Variants in ASIC2 observed in about 807,000 individuals in gnomAD.
ASIC2 encodes acid-sensing ion channel 2.
In ASIC2, 25 loss-of-function variants were observed where a neutral mutation model predicts 57.3. That is an observed-to-expected ratio of 0.44 (90% CI 0.32 to 0.61). The LOEUF (loss-of-function observed/expected upper bound fraction) is 0.61. ASIC2 is among the 20% of genes least tolerant of loss of function. The pLI is 0.06. For missense variants in ASIC2, 641 were observed against 738.1 expected, an observed-to-expected ratio of 0.87 and a Z score of 1.52; for synonymous variants, 319 against 307.5, an observed-to-expected ratio of 1.04 and a Z score of -0.39.
chr17:34,117,707 T>C (rs1911469443), intron 1 of ASIC2, among the ~76,000 whole-genome samples: 1 of 152,006 alleles, frequency 6.6e-6, no homozygotes, highest in South Asian at 2.1e-4. Flanking sequence ...TTAGATACAA[T>C]TGGCAGGACT....
chr17:33,378,740 C>G (rs1909370267), intron 1 of ASIC2, among the ~76,000 whole-genome samples: 1 of 152,218 alleles, frequency 6.6e-6, no homozygotes, highest in South Asian at 2.1e-4. Flanking sequence ...TTCTTCATAT[C>G]AGTGGATGTT....
At chr17:33,112,924 CCA>C (rs140159337) in intron 1 of ASIC2, 24,574 of 152,134 alleles carry the variant, frequency 0.16, 2,145 homozygotes, top group Non-Finnish European at 0.2. Flanking sequence ...CCTGCCACAC[CCA>C]GTCTTTTGCA....
intron 1 of ASIC2, among the ~76,000 whole-genome samples, chr17:33,672,227 C>A (rs1282771466): frequency 6.6e-6 from 1 of 152,130 alleles, no homozygotes; most frequent in African/African-American, 2.4e-5. Flanking sequence ...CCCATTTGAG[C>A]AACTTCTTAA....
intron 1 of ASIC2, among the ~76,000 whole-genome samples, chr17:33,853,944 C>T (rs1913844416): frequency 6.6e-6 from 1 of 152,136 alleles, no homozygotes; most frequent in African/African-American, 2.4e-5. Flanking sequence ...CCTTGCAGGT[C>T]TCTACTTTAT....
chr17:33,706,795 C>G (rs1008647072), intron 1 of ASIC2, among the ~76,000 whole-genome samples: 1 of 152,164 alleles, frequency 6.6e-6, no homozygotes, highest in African/African-American at 2.4e-5. Flanking sequence ...ACCTGGGAAA[C>G]ATCTTTCCTA....
intron 1 of ASIC2, among the ~76,000 whole-genome samples, chr17:33,450,773 T>A (rs1268274729): frequency 6.6e-6 from 1 of 152,140 alleles, no homozygotes; most frequent in Non-Finnish European, 1.5e-5. Flanking sequence ...TGTCTAGATG[T>A]GGAAATAATT....
At chr17:33,395,413 A>G (rs1452629561) in intron 1 of ASIC2, among the ~76,000 whole-genome samples, 5 of 152,202 alleles carry the variant, frequency 3.3e-5, no homozygotes, top group Admixed American at 2.0e-4. Flanking sequence ...AGGCAGAAAG[A>G]TCTTGTGCAG....
intron 1 of ASIC2, among the ~76,000 whole-genome samples, chr17:34,144,811 T>C (rs952531863): frequency 6.6e-6 from 1 of 152,306 alleles, no homozygotes; most frequent in South Asian, 2.1e-4. Flanking sequence ...CTTCCAACAT[T>C]TGCCAAGCTC....
intron 1 of ASIC2, among the ~76,000 whole-genome samples, chr17:33,270,266 T>C (rs1904431604): frequency 6.6e-6 from 1 of 152,214 alleles, no homozygotes; most frequent in South Asian, 2.1e-4. Context: ...CATTTTGAAA[T>C]GATAAGCCTC....
At chr17:33,348,933 G>A (rs1414188392) in intron 1 of ASIC2, among the ~76,000 whole-genome samples, 3 of 152,078 alleles carry the variant, frequency 2.0e-5, no homozygotes, top group African/African-American at 7.2e-5. Flanking sequence ...AAACCTGATC[G>A]GTGCTTCCCA....
At chr17:33,229,452 AC>A (rs1209536838) in intron 1 of ASIC2, among the ~76,000 whole-genome samples, 2 of 152,236 alleles carry the variant, frequency 1.3e-5, no homozygotes, top group Non-Finnish European at 2.9e-5. Flanking sequence ...CACTGGCTAC[AC>A]GCAGGGCAGA....
At chr17:33,726,339 C>T (rs1909560165) in intron 1 of ASIC2, among the ~76,000 whole-genome samples, 1 of 152,162 alleles carries the variant, frequency 6.6e-6, no homozygotes, top group Non-Finnish European at 1.5e-5. Flanking sequence ...GAAGAACTGC[C>T]CCGCTGAACC....
At chr17:33,627,223 C>T (rs576866575) in intron 1 of ASIC2, 2 of 152,330 alleles carry the variant, frequency 1.3e-5, no homozygotes, top group African/African-American at 4.8e-5. Flanking sequence ...AGATTTCTCT[C>T]TAGAGACACA....
chr17:33,598,944 C>T (rs934735079), intron 1 of ASIC2, among the ~76,000 whole-genome samples: 6 of 152,314 alleles, frequency 3.9e-5, no homozygotes, highest in South Asian at 2.1e-4. Flanking sequence ...ATGTGTCTTG[C>T]TGGAAACAGA....
intron 1 of ASIC2, among the ~76,000 whole-genome samples, chr17:33,310,330 G>T (rs543703288): frequency 2.0e-5 from 3 of 152,134 alleles, no homozygotes; most frequent in African/African-American, 7.2e-5. Context: ...CCAGGAATAG[G>T]TCCCTCATCT....
At chr17:33,583,471 A>G (rs1043254938) in intron 1 of ASIC2, among the ~76,000 whole-genome samples, 5 of 152,178 alleles carry the variant, frequency 3.3e-5, no homozygotes, top group African/African-American at 7.2e-5. Context: ...GCACTGTGCT[A>G]TCTATGAAAC....
At chr17:34,088,746 C>T (rs1450261180) in intron 1 of ASIC2, among the ~76,000 whole-genome samples, 5 of 151,988 alleles carry the variant, frequency 3.3e-5, no homozygotes, top group South Asian at 2.1e-4. Flanking sequence ...CAATGGCGGG[C>T]GCCCCTCCCC....
At position 33,769,430 on chromosome 17, in the gene ASIC2, G is replaced by A. The variant is rs370577167; in HGVS notation, c.555+386548C>T. Among the ~76,000 whole-genome samples the A allele has an allele frequency of 3.3e-5, 5 of 152,110 alleles. No homozygotes were observed. The East Asian group carries it at 7.7e-4, about 24-fold the overall frequency. ...CCTGAGCACAGCAGGCCAAGTAGAC[G>A]GAGTGCCCCTGCTGGAAGTCCAGCA... On this transcript the variant is annotated intron_variant, in intron 1 of 9. Transcript: ENST00000359872.
intron 1 of ASIC2, among the ~76,000 whole-genome samples, chr17:33,532,141 G>T (rs940742317): frequency 6.6e-6 from 1 of 152,194 alleles, no homozygotes; most frequent in South Asian, 2.1e-4. Flanking sequence ...AGCCAGAGGG[G>T]TGAGGCTGAG....
Sources: gnomAD v4.1 joint callset for allele counts (sites outside exome capture counted in the v4.1 genomes callset) on GRCh38, gnomAD v4.1.1 for gene constraint, MANE v1.5 for transcripts, NCBI Gene and HGNC (gene_info 2026-07-23, HGNC 2026-07-21) for gene names.